The following DOCK3 variants were observed in gnomAD, a reference collection of about 807,000 sequenced individuals.
The protein encoded by DOCK3 is dedicator of cytokinesis 3.
In DOCK3, 60 loss-of-function variants were observed where a neutral mutation model predicts 265.6. The ratio of observed to expected loss-of-function variants is 0.23; its 90% CI spans 0.18 to 0.28. DOCK3 has a LOEUF of 0.28. DOCK3 is among the 10% of genes least tolerant of loss of function. The pLI is 1.00. For synonymous variants in DOCK3, 881 were observed against 938.0 expected (o/e 0.94, Z 1.11); for missense variants, 1,981 against 2,594.3 (o/e 0.76, Z 5.14).
At chr3:50,695,718 G>A (rs2035573830) in intron 1 of DOCK3, among the ~76,000 whole-genome samples, 1 of 152,232 alleles carries the variant, frequency 6.6e-6, no homozygotes, top group African/African-American at 2.4e-5. Context: ...AATGGGCCTG[G>A]TGGGTATCTC....
chr3:50,749,178 G>A lies in DOCK3; in HGVS notation c.38-29497G>A, dbSNP rs545765618. ...CCTCTTTATAGTTTTTCTAGGTATA[G>A]CTTTAACTTGTCTTTCTTTGTTTCA... On this transcript the variant is annotated intron_variant, in intron 1 of 52. Coordinates refer to ENST00000266037, the MANE Select transcript of DOCK3 (RefSeq NM_004947.5). Among the ~76,000 whole-genome samples the A allele has an allele frequency of 7.2e-5, 11 of 152,218 alleles. No homozygotes were observed. The South Asian group carries it at 2.3e-3, about 32-fold the overall frequency.
intron 5 of DOCK3, among the ~76,000 whole-genome samples, chr3:51,004,058 C>T (rs1459019160): frequency 6.6e-6 from 1 of 152,094 alleles, no homozygotes; most frequent in African/African-American, 2.4e-5. Flanking sequence ...CATGAAATAC[C>T]CTCCACTTGA....
chr3:51,312,749 A>G, intron 30 of DOCK3, 95 bp from the exon 31 acceptor site: 1 of 1,380,662 alleles, frequency 7.2e-7, no homozygotes, highest in South Asian at 1.3e-5. Flanking sequence ...AGCATTAGAA[A>G]CAAACAGTGC....
At chr3:51,211,734 C>T (rs2089512793) in intron 13 of DOCK3, among the ~76,000 whole-genome samples, 1 of 152,084 alleles carries the variant, frequency 6.6e-6, no homozygotes, top group Admixed American at 6.5e-5. Flanking sequence ...TATATATGTG[C>T]CATATTTTCT....
chr3:50,789,040 GT>G (rs1230100386), intron 2 of DOCK3, among the ~76,000 whole-genome samples: 4 of 152,076 alleles, frequency 2.6e-5, no homozygotes, highest in Non-Finnish European at 4.4e-5. Context: ...GGTTTAGTTT[GT>G]TTTTGTTTCT....
intron 5 of DOCK3, among the ~76,000 whole-genome samples, chr3:51,012,667 C>A (rs1410913860): frequency 6.6e-6 from 1 of 152,028 alleles, no homozygotes; most frequent in Non-Finnish European, 1.5e-5. Context: ...CACCCACTGT[C>A]CGATAAGCCC....
intron 31 of DOCK3, 134 bp from the exon 32 acceptor site, chr3:51,314,846 A>C: frequency 2.7e-6 from 3 of 1,116,452 alleles, no homozygotes; most frequent in Non-Finnish European, 3.5e-6. Context: ...AGTACCTCAG[A>C]AAACCATAGG....
intron 1 of DOCK3, among the ~76,000 whole-genome samples, chr3:50,778,448 C>T (rs1419011291): frequency 6.6e-6 from 1 of 152,122 alleles, no homozygotes; most frequent in Non-Finnish European, 1.5e-5. Context: ...CACATGCACC[C>T]ACCACTCATG....
Position 51,312,075 on chromosome 3 carries a change from T to G in DOCK3, c.3089T>G (p.Phe1030Cys), listed in dbSNP as rs747655988. 48 of 1,601,272 alleles carry G rather than the reference T, an allele frequency of 3.0e-5. No individual in the cohort carries two copies. Among genetic ancestry groups the G allele is most frequent in the Non-Finnish European group, 3.3e-5 (39 of 1,173,166 alleles). ...AATTTCACAGAGACTGACTTTGACT[T>G]TAAGGTAGGCACTCCTGAAATATCC... ...HKNFTETDFD[F>C]KVWNSYFSLA... Residue 1030 changes from phenylalanine to cysteine, a missense_variant, in exon 29 of 53, where the codon TTT becomes TGT. Transcript: ENST00000266037.
chr3:51,097,801 A>G (rs1052390891), intron 9 of DOCK3, among the ~76,000 whole-genome samples: 2 of 152,180 alleles, frequency 1.3e-5, no homozygotes, highest in African/African-American at 4.8e-5. Flanking sequence ...AAAGCGTAGT[A>G]TCTGGGCCAG....
intron 4 of DOCK3, among the ~76,000 whole-genome samples, chr3:50,913,541 G>A (rs935081998): frequency 3.3e-5 from 5 of 152,018 alleles, no homozygotes; most frequent in African/African-American, 1.2e-4. Flanking sequence ...TTCAGTACTT[G>A]TGCCCTGGAC....
At chr3:50,859,788 TG>T (rs1217254644) in intron 3 of DOCK3, among the ~76,000 whole-genome samples, 1 of 152,172 alleles carries the variant, frequency 6.6e-6, no homozygotes, top group Non-Finnish European at 1.5e-5. Context: ...TTAGGCTCAT[TG>T]GTCAGTTGGT....
In DOCK3 at chr3:51,382,846, C is replaced by A. The variant is rs554902338; in HGVS notation, c.*1287C>A. 6.6e-6 allele frequency: 1 copy of A among 152,504 alleles called. No homozygotes were observed. The highest frequency in any genetic ancestry group is 1.9e-4 in the East Asian group (1 of 5,170). 9.4% of individuals were successfully genotyped at this position (152,504 alleles called of 1,614,324 possible). ...AGAGCAGTGGTGTCTTTAGAGGAAA[C>A]TCATTCAAGTCAGGGCACTGATTTT... On this transcript the variant is annotated 3_prime_UTR_variant, in exon 53 of 53. Transcript: ENST00000266037.
At chr3:51,218,115 C>G (rs915898280) in intron 14 of DOCK3, among the ~76,000 whole-genome samples, 4 of 150,076 alleles carry the variant, frequency 2.7e-5, no homozygotes, top group Admixed American at 6.6e-5. Context: ...GACCCCATCT[C>G]AAATAAAAAA....
intron 3 of DOCK3, among the ~76,000 whole-genome samples, chr3:50,888,217 C>G (rs1575453402): frequency 6.6e-6 from 1 of 151,508 alleles, no homozygotes. Flanking sequence ...ACACCAATAA[C>G]AGACAAACAG....
intron 5 of DOCK3, among the ~76,000 whole-genome samples, chr3:50,963,237 T>C (rs2076940587): frequency 6.6e-6 from 1 of 152,194 alleles, no homozygotes; most frequent in Non-Finnish European, 1.5e-5. Flanking sequence ...AACATTATAA[T>C]GTATATCCAG....
intron 14 of DOCK3, among the ~76,000 whole-genome samples, chr3:51,223,704 G>A (rs2090199936): frequency 6.6e-6 from 1 of 152,114 alleles, no homozygotes; most frequent in African/African-American, 2.4e-5. Flanking sequence ...GTATAACTAT[G>A]ATTTATCCCA....
chr3:50,823,506 C>A (rs1372125919), intron 2 of DOCK3, among the ~76,000 whole-genome samples: 1 of 152,202 alleles, frequency 6.6e-6, no homozygotes, highest in African/African-American at 2.4e-5. Context: ...TCAACAGGAT[C>A]CCAAGGCAGA....
intron 6 of DOCK3, among the ~76,000 whole-genome samples, chr3:51,074,642 G>A (rs966909715): frequency 6.6e-6 from 1 of 152,058 alleles, no homozygotes; most frequent in Non-Finnish European, 1.5e-5. Context: ...ACATGGACAT[G>A]GGGAAGGGAA....
Sources: allele counts gnomAD v4.1 joint callset (sites outside exome capture counted in the v4.1 genomes callset), GRCh38; gene constraint gnomAD v4.1.1; transcripts MANE v1.5; gene names NCBI Gene and HGNC (gene_info 2026-07-23, HGNC 2026-07-21).